The following TP53BP2 variants were observed in gnomAD, a reference collection of about 807,000 sequenced individuals.
TP53BP2 encodes the protein apoptosis-stimulating of p53 protein 2.
A neutral mutation model predicts 126.2 loss-of-function variants in TP53BP2; 62 were observed. The observed-to-expected ratio is 0.49, with a 90% CI of 0.40 to 0.61. The LOEUF (loss-of-function observed/expected upper bound fraction) is 0.61, where lower values mean the gene tolerates loss of function less well. TP53BP2 is among the 20% of genes least tolerant of loss of function. TP53BP2 has a pLI of 0.00. For missense variants in TP53BP2, 1,215 were observed against 1,402.8 expected, an observed-to-expected ratio of 0.87 and a Z score of 2.14; for synonymous variants, 485 against 502.9, an observed-to-expected ratio of 0.96 and a Z score of 0.48.
At chr1:223,784,336 A>G (rs1558086320) in intron 16 of TP53BP2, 22 bp from the exon 17 acceptor site, 5 of 1,611,598 alleles carry the variant, frequency 3.1e-6, no homozygotes, top group Non-Finnish European at 4.2e-6. Flanking sequence ...ACAGTAAGAT[A>G]AAGCACAGAA....
intron 11 of TP53BP2, 63 bp from the exon 12 acceptor site, chr1:223,798,740 G>T: frequency 1.5e-6 from 2 of 1,337,636 alleles, no homozygotes; most frequent in South Asian, 1.4e-5. Flanking sequence ...GGATGTTCTA[G>T]ATAACCTAAT....
intron 1 of TP53BP2, among the ~76,000 whole-genome samples, chr1:223,822,776 A>T (rs1017560318): frequency 2.6e-5 from 4 of 152,124 alleles, no homozygotes; most frequent in African/African-American, 9.7e-5. Flanking sequence ...CACACCTATT[A>T]AATTACAAAA....
chr1:223,840,825 G>A (rs1473772577), intron 1 of TP53BP2, among the ~76,000 whole-genome samples: 1 of 152,218 alleles, frequency 6.6e-6, no homozygotes. Context: ...ATATAAGCAG[G>A]TGTATGCTTG....
At position 223,821,233 on chromosome 1, in the gene TP53BP2, C is replaced by T. The variant is rs1663295573; in HGVS notation, c.162G>A (p.Val54=). 2 of 1,614,068 alleles carry T rather than the reference C, an allele frequency of 1.2e-6. No homozygotes were observed. Among genetic ancestry groups the T allele is most frequent in the Non-Finnish European group, 8.5e-7 (1 of 1,179,910 alleles). ...PGESDCHLAE[V]WCGSERPVAD... is the part of the protein sequence containing the mutation. Reference sequence around the variant, plus strand: ...AGCGTCTCTCACCAGAGCCACACCACACTTCAGCCAAATGGCAATCACTCT... The same window carrying T: ...AGCGTCTCTCACCAGAGCCACACCATACTTCAGCCAAATGGCAATCACTCT... Residue 54 remains valine (V), a synonymous_variant, in exon 2 of 18, where the codon GTG becomes GTA. Transcript: ENST00000343537.
At chr1:223,830,232 A>G (rs112888034) in intron 1 of TP53BP2, among the ~76,000 whole-genome samples, 30 of 152,350 alleles carry the variant, frequency 2.0e-4, no homozygotes, top group African/African-American at 7.2e-4. Context: ...CAATCCAAAT[A>G]TCCAAAATCC....
intron 9 of TP53BP2, among the ~76,000 whole-genome samples, chr1:223,801,244 T>TC (rs1416538073): frequency 1.3e-5 from 2 of 152,232 alleles, no homozygotes; most frequent in African/African-American, 4.8e-5. Flanking sequence ...CAGGTTTTTT[T>TC]CTACACTGAT....
At chr1:223,817,825 C>T (rs1419193011) in intron 2 of TP53BP2, among the ~76,000 whole-genome samples, 1 of 151,170 alleles carries the variant, frequency 6.6e-6, no homozygotes, top group Non-Finnish European at 1.5e-5. Flanking sequence ...ACTCAGGGGG[C>T]TGAGGCAGCA....
At chr1:223,826,021 T>C (rs528111205) in intron 1 of TP53BP2, 2 of 152,374 alleles carry the variant, frequency 1.3e-5, no homozygotes, top group South Asian at 4.1e-4. Context: ...CTCTCCGTAC[T>C]ATGCAGTCAG....
chr1:223,788,134 G>C (rs1342098558), intron 16 of TP53BP2, among the ~76,000 whole-genome samples: 1 of 151,998 alleles, frequency 6.6e-6, no homozygotes, highest in African/African-American at 2.4e-5. Flanking sequence ...ATGAAGAAGG[G>C]AACTCCAGGT....
At chr1:223,812,617 T>C (rs545721526) in intron 3 of TP53BP2, among the ~76,000 whole-genome samples, 2 of 152,264 alleles carry the variant, frequency 1.3e-5, no homozygotes, top group Non-Finnish European at 2.9e-5. Context: ...CTGCAGTGCG[T>C]GGTGCCATCT....
intron 1 of TP53BP2, among the ~76,000 whole-genome samples, chr1:223,823,263 T>C (rs1260821158): frequency 1.3e-5 from 2 of 152,138 alleles, no homozygotes; most frequent in Admixed American, 6.5e-5. Context: ...AAGATGTTGC[T>C]TGGGAAAAGG....
intron 4 of TP53BP2, among the ~76,000 whole-genome samples, chr1:223,807,885 C>A (rs1014604505): frequency 6.6e-6 from 1 of 152,126 alleles, no homozygotes; most frequent in African/African-American, 2.4e-5. Flanking sequence ...TCAACAAAAT[C>A]TCAACTGAAA....
rs772136031 is a variant in TP53BP2, at chr1:223,793,448, G to C, written c.2725-8C>G. ...CAAGTTTGTCCTTTTACCCTGCAAA[G>C]AAAATGGGTGGAAAATTTAGGATCC... On this transcript the variant is annotated splice_polypyrimidine_tract_variant and splice_region_variant and intron_variant, in intron 13 of 17. Coordinates refer to ENST00000343537, the MANE Select transcript of TP53BP2 (RefSeq NM_001031685.3). The C allele has an allele frequency of 6.4e-7, 1 of 1,559,180 alleles. No homozygotes were observed. The highest frequency in any genetic ancestry group is 1.7e-4 in the Middle Eastern group (1 of 5,836).
rs757577074 is a variant in TP53BP2, at chr1:223,831,474, AAAAAAAATATATAT to A, written c.28-10121_28-10108del. Among the ~76,000 whole-genome samples, 72 of 72,196 alleles carry A rather than the reference AAAAAAAATATATAT, an allele frequency of 1.0e-3. 3 individuals carry two copies. The highest frequency in any genetic ancestry group is 2.0e-3 in the East Asian group (5 of 2,560). 47.4% of individuals were successfully genotyped at this position (72,196 alleles called of 152,430 possible). ...CACACATATGTACCATCTAAAAAAA[AAAAAAAATATATAT>A]ATATATATATATATATATATATATA... is the stretch of plus-strand genomic sequence containing the variant. On this transcript the variant is annotated intron_variant, in intron 1 of 17. Coordinates refer to ENST00000343537, the MANE Select transcript of TP53BP2 (RefSeq NM_001031685.3).
At chr1:223,799,848 T>G in intron 11 of TP53BP2, 51 bp downstream of exon 11, 1 of 1,506,060 alleles carries the variant, frequency 6.6e-7, no homozygotes, top group South Asian at 1.4e-5. Flanking sequence ...TTCTAAAAAC[T>G]GCATTATAGA....
At chr1:223,842,720 A>T (rs1475350113) in intron 1 of TP53BP2, among the ~76,000 whole-genome samples, 3 of 152,242 alleles carry the variant, frequency 2.0e-5, no homozygotes, top group African/African-American at 7.2e-5. Context: ...CACAAAATCA[A>T]AGTAGTGAAT....
At chr1:223,787,539 G>A (rs1473186274) in intron 16 of TP53BP2, among the ~76,000 whole-genome samples, 4 of 152,000 alleles carry the variant, frequency 2.6e-5, no homozygotes, top group Non-Finnish European at 5.9e-5. Flanking sequence ...GAGGCCAGGA[G>A]TTTGAGACTA....
chr1:223,839,120 T>C (rs1664020753), intron 1 of TP53BP2, among the ~76,000 whole-genome samples: 2 of 152,132 alleles, frequency 1.3e-5, no homozygotes, highest in South Asian at 2.1e-4. Flanking sequence ...ATCATTACCA[T>C]TGTTTGTCCT....
chr1:223,845,820 G>C lies in TP53BP2; in HGVS notation c.-140C>G. 1 of 685,484 alleles carries C rather than the reference G, an allele frequency of 1.5e-6. No homozygotes were observed. Among genetic ancestry groups the C allele is most frequent in the Non-Finnish European group, 2.0e-6 (1 of 506,632 alleles). 42.5% of individuals were successfully genotyped at this position (685,484 alleles called of 1,614,324 possible). On this transcript the variant is annotated 5_prime_UTR_variant, in exon 1 of 18. Coordinates refer to ENST00000343537, the MANE Select transcript of TP53BP2 (RefSeq NM_001031685.3). Reference sequence around the variant, plus strand: ...GGCGGCAGCGGCGGCGCGCGGGTCCGAAGGGCCCTCCGCGCGGGCTGGGGC... The same window carrying C: ...GGCGGCAGCGGCGGCGCGCGGGTCCCAAGGGCCCTCCGCGCGGGCTGGGGC...
Sources: allele counts gnomAD v4.1 joint callset (sites outside exome capture counted in the v4.1 genomes callset), GRCh38; gene constraint gnomAD v4.1.1; transcripts MANE v1.5; gene names NCBI Gene and HGNC (gene_info 2026-07-23, HGNC 2026-07-21).